The following COL6A1 variants were observed in gnomAD, a reference collection of about 807,000 sequenced individuals.
COL6A1 encodes the protein collagen type VI alpha 1 chain.
A neutral mutation model predicts 145.6 loss-of-function variants in COL6A1; 80 were observed. The ratio of observed to expected loss-of-function variants is 0.55; its 90% CI spans 0.46 to 0.66. The LOEUF (loss-of-function observed/expected upper bound fraction) is 0.66, where lower values mean the gene tolerates loss of function less well. COL6A1 is among the 30% of genes least tolerant of loss of function. COL6A1 has a pLI of 0.00. For synonymous variants in COL6A1, 638 were observed against 622.8 expected (o/e 1.02, Z -0.36); for missense variants, 1,364 against 1,473.8 (o/e 0.93, Z 1.22).
In COL6A1 at chr21:46,004,177, C is replaced by T. The variant is rs1455697694; in HGVS notation, c.*164C>T. 1.1e-5 allele frequency: 11 copies of T among 976,582 alleles called. No homozygotes were observed. The highest frequency in any genetic ancestry group is 7.9e-5 in the East Asian group (3 of 38,132). The allele number at this position is 976,582 out of a possible 1,614,324, so 60.5% of individuals were successfully genotyped here. A position where few individuals can be genotyped will look rare whatever the true frequency, so the allele number is the denominator to read the frequency against. ...ACACAACGCTGCTGCCTGCTTTGTG[C>T]AGGGTCCTCCGGGGCTCAGCCCTGA... is the stretch of plus-strand genomic sequence containing the variant. On this transcript the variant is annotated 3_prime_UTR_variant, in exon 35 of 35. Transcript: ENST00000361866.
At chr21:45,992,439 T>A (rs1156767809) in intron 18 of COL6A1, 41 bp downstream of exon 18, 1 of 1,607,012 alleles carries the variant, frequency 6.2e-7, no homozygotes, top group Non-Finnish European at 8.5e-7. Context: ...GGCCTCACCA[T>A]GTAGCTGTGG....
At chr21:45,995,594 A>G (rs1241678988) in intron 20 of COL6A1, among the ~76,000 whole-genome samples, 1 of 152,242 alleles carries the variant, frequency 6.6e-6, no homozygotes, top group African/African-American at 2.4e-5. Flanking sequence ...AGCCACTATA[A>G]GAAAAAAACA....
rs200770504 is a variant in COL6A1 at position 45,990,741 on chromosome 21, G to A, written c.1003-32G>A. 3.6e-4 allele frequency: 575 copies of A among 1,606,808 alleles called. 1 individual carries two copies. Among genetic ancestry groups the A allele is most frequent in the Non-Finnish European group, 4.2e-4 (495 of 1,174,206 alleles). On this transcript the variant is annotated intron_variant, in intron 13 of 34. Transcript: ENST00000361866. The stretch of plus-strand genomic sequence containing the variant: ...TTGGCCTCAGTTTACCCACTTGGCC[G>A]TCAGATTTTCTAGTTTTCTTCCTCT...
Position 45,984,256 on chromosome 21 carries a change from C to T in COL6A1, c.228-13C>T, listed in dbSNP as rs779690394. 1 of 1,600,968 alleles carries T rather than the reference C, an allele frequency of 6.2e-7. No individual in the cohort carries two copies. The highest frequency in any genetic ancestry group is 1.3e-5 in the African/African-American group (1 of 74,772). On this transcript the variant is annotated splice_polypyrimidine_tract_variant and intron_variant, in intron 2 of 34. Transcript: ENST00000361866. ...GCCGCCCGCCTCACGCCCGCCGTGCCTGTTCCTGGCAGGTACTACCGCTGT... is the reference window on the plus strand; with the variant it reads ...GCCGCCCGCCTCACGCCCGCCGTGCTTGTTCCTGGCAGGTACTACCGCTGT...
intron 3 of COL6A1, among the ~76,000 whole-genome samples, chr21:45,985,210 G>C (rs923920042): frequency 7.3e-6 from 1 of 136,084 alleles, no homozygotes; most frequent in Non-Finnish European, 1.6e-5. Flanking sequence ...ACAGACAGAG[G>C]CAGAGAGACA....
At chr21:45,999,612 TGG>T in intron 26 of COL6A1, 43 bp from the exon 27 acceptor site, 3 of 1,607,660 alleles carry the variant, frequency 1.9e-6, no homozygotes, top group Non-Finnish European at 2.5e-6. Context: ...GGAAGCACAG[TGG>T]GCTCCTCACC....
chr21:45,990,888 C>T, intron 14 of COL6A1, 62 bp downstream of exon 14: 2 of 1,608,594 alleles, frequency 1.2e-6, no homozygotes, highest in South Asian at 1.1e-5. Context: ...CTCGTGTGGA[C>T]CGTTTTGACT....
intron 2 of COL6A1, 131 bp from the exon 3 acceptor site, chr21:45,984,138 C>A: frequency 2.1e-6 from 2 of 955,984 alleles, no homozygotes; most frequent in Non-Finnish European, 3.2e-6. Context: ...GGCCACAGGG[C>A]AAGTCCAGCT....
Position 46,004,009 on chromosome 21 carries a change from G to C in COL6A1, c.3083G>C (p.Gly1028Ala). Residue 1028 changes from glycine (G) to alanine (A), a missense_variant, in exon 35 of 35, where the codon GGC (glycine) becomes GCC (alanine). By Grantham distance (60) the Gly-to-Ala change is moderately conservative (BLOSUM62 0). This residue lies in a region of COL6A1 where 938 missense variants were observed against 1,003.8 expected (regional missense o/e 0.93). Coordinates refer to ENST00000361866, the MANE Select transcript of COL6A1 (RefSeq NM_001848.3). ...ACAGTCTCCAGGAAGGTGGCGCTGG[G>C]CTAGCCCACCCTGCACGCCGGCACC... ...HQTVSRKVAL[G>A] 1 of 1,613,094 alleles carries C rather than the reference G, an allele frequency of 6.2e-7. No homozygotes were observed. The highest frequency in any genetic ancestry group is 1.1e-5 in the South Asian group (1 of 91,082).
In COL6A1 at chr21:45,987,162, A is replaced by G. The variant is rs2077744185; in HGVS notation, c.725A>G (p.Asn242Ser). 6.3e-7 allele frequency: 1 copy of G among 1,598,298 alleles called. No individual in the cohort carries two copies. Among genetic ancestry groups the G allele is most frequent in the African/African-American group, 1.3e-5 (1 of 74,932 alleles). ...TTCCATTTCTCTTTCCAGAAAAATAACGTGGAGCAAGTGGTAAGAGCCCTC... is the reference window on the plus strand; with the variant it reads ...TTCCATTTCTCTTTCCAGAAAAATAGCGTGGAGCAAGTGGTAAGAGCCCTC... Reference protein sequence around the residue: ...IDTIVDMIKNNVEQVCCSFEC... With the variant: ...IDTIVDMIKNSVEQVCCSFEC... Residue 242 changes from asparagine (N) to serine (S), a missense_variant, in exon 6 of 35, where the codon AAC (asparagine) becomes AGC (serine). This residue lies in a region of COL6A1 where 414 missense variants were observed against 437.6 expected (regional missense o/e 0.95). Transcript: ENST00000361866.
chr21:46,001,184 C>A, intron 29 of COL6A1, 69 bp from the exon 30 acceptor site: 1 of 1,568,582 alleles, frequency 6.4e-7, no homozygotes, highest in Non-Finnish European at 8.6e-7. Context: ...GGGGCCAGGG[C>A]GGTGGAGGGG....
At position 46,002,626 on chromosome 21, in the gene COL6A1, C is replaced by T. The variant is rs1282958637; in HGVS notation, c.2350C>T (p.Pro784Ser). ...AGGCCTGGCACCATCCCAGGGCCGGCCCGGCCTCTCGCTGGTCAAGGAGAA... is the reference window on the plus strand; with the variant it reads ...AGGCCTGGCACCATCCCAGGGCCGGTCCGGCCTCTCGCTGGTCAAGGAGAA... Reference protein sequence around the residue: ...CQGLAPSQGRPGLSLVKENYA... With the variant: ...CQGLAPSQGRSGLSLVKENYA... Residue 784 changes from proline to serine, a missense_variant, in exon 33 of 35, where the codon CCC becomes TCC. This residue lies in a region of COL6A1 where 938 missense variants were observed against 1,003.8 expected (regional missense o/e 0.93). Transcript: ENST00000361866. 2 of 1,614,104 alleles carry T rather than the reference C, an allele frequency of 1.2e-6. No individual in the cohort carries two copies. Among genetic ancestry groups the T allele is most frequent in the South Asian group, 2.2e-5 (2 of 91,092 alleles).
intron 23 of COL6A1, 111 bp from the exon 24 acceptor site, chr21:45,998,287 A>G: frequency 6.3e-6 from 10 of 1,578,570 alleles, no homozygotes; most frequent in Non-Finnish European, 8.6e-6. Context: ...CGGCTGGCCC[A>G]GGAATTCCAT....
At chr21:45,998,021 C>G in intron 22 of COL6A1, 100 bp from the exon 23 acceptor site, 1 of 1,457,504 alleles carries the variant, frequency 6.9e-7, no homozygotes, top group Admixed American at 1.9e-5. Context: ...TCTGGGCTGA[C>G]GGAGGGGCCC....
chr21:46,002,085 C>T lies in COL6A1; in HGVS notation c.2066+15C>T, dbSNP rs201407082. On this transcript the variant is annotated intron_variant, in intron 31 of 34. Coordinates refer to ENST00000361866, the MANE Select transcript of COL6A1 (RefSeq NM_001848.3). ...GAGCTCAAGGAGTGAGTGCCCCACG[C>T]GGCCAGGACCCTCCCACCCCTCGCC... 76 of 1,603,846 alleles carry T rather than the reference C, an allele frequency of 4.7e-5. No individual in the cohort carries two copies. In the Middle Eastern group the frequency reaches 5.2e-4, roughly 11 times the overall value.
intron 14 of COL6A1, 33 bp from the exon 15 acceptor site, chr21:45,990,946 G>A (rs564283805): frequency 9.3e-6 from 15 of 1,613,134 alleles, no homozygotes; most frequent in Middle Eastern, 1.7e-4. Context: ...GGTGGCCTCT[G>A]CCGGTGGTGT....
Position 46,003,665 on chromosome 21 carries a change from C to T in COL6A1, c.2739C>T (p.Ala913=), listed in dbSNP as rs2077862957. 6.2e-7 allele frequency: 1 copy of T among 1,613,098 alleles called. No homozygotes were observed. The highest frequency in any genetic ancestry group is 1.3e-5 in the African/African-American group (1 of 75,078). ...AVDAMDFIND[A]TDVNDALGYV... ...ATGCCATGGACTTTATCAACGACGC[C>T]ACCGACGTCAACGATGCCCTGGGCT... The change falls in exon 35 of 35, where the codon GCC becomes GCT. Residue 913 remains alanine, a synonymous_variant. Transcript: ENST00000361866.
rs1391331105 is a variant in COL6A1, at chr21:45,994,116, A to G, written c.1336-51A>G. ...TGGCTCCCAGCGTGCCCGGGCAGCC[A>G]TCCTCCCCAAGGATGGCCCAGCTCC... On this transcript the variant is annotated intron_variant, in intron 19 of 34. Transcript: ENST00000361866. The surrounding 1 kb of genome is among the most constrained non-coding windows in gnomAD (Gnocchi z 6.8). 2.6e-6 allele frequency: 4 copies of G among 1,556,680 alleles called. No individual in the cohort carries two copies. The Admixed American group carries it at 7.6e-5, about 30-fold the overall frequency.
In COL6A1 at chr21:46,004,344, G is replaced by A; in HGVS notation, c.*331G>A. 2.3e-6 allele frequency: 1 copy of A among 435,110 alleles called. No individual in the cohort carries two copies. The highest frequency in any genetic ancestry group is 2.0e-5 in the African/African-American group (1 of 50,004). The allele number at this position is 435,110 out of a possible 1,614,324, so 27.0% of individuals were successfully genotyped here. A position where few individuals can be genotyped will look rare whatever the true frequency, so the allele number is the denominator to read the frequency against. On this transcript the variant is annotated 3_prime_UTR_variant, in exon 35 of 35. Coordinates refer to ENST00000361866, the MANE Select transcript of COL6A1 (RefSeq NM_001848.3). ...TCAGCCCTGAGCTGGCCTCACCTGG[G>A]TTCCCCACCCCGGGCTCTCCTGCCC... is the stretch of plus-strand genomic sequence containing the variant.
Sources: allele counts gnomAD v4.1 joint callset (sites outside exome capture counted in the v4.1 genomes callset), GRCh38; gene constraint gnomAD v4.1.1; regional missense constraint gnomAD v4.1.1; non-coding constraint Gnocchi (gnomAD v3.1); transcripts MANE v1.5; gene names NCBI Gene and HGNC (gene_info 2026-07-23, HGNC 2026-07-21).